CAPN6: variants seen among roughly 807,000 people sequenced by gnomAD.
The protein encoded by CAPN6 is calpain-6.
CAPN6 carries 16 observed loss-of-function variants against 46.0 expected under a neutral mutation model. The ratio of observed to expected loss-of-function variants is 0.35; its 90% CI spans 0.24 to 0.53. The LOEUF (loss-of-function observed/expected upper bound fraction) is 0.53, where lower values mean the gene tolerates loss of function less well. CAPN6 is among the 20% of genes least tolerant of loss of function. The pLI is 0.94. For missense variants in CAPN6, 461 were observed against 498.0 expected, an observed-to-expected ratio of 0.93 and a Z score of 0.71; for synonymous variants, 206 against 172.8, an observed-to-expected ratio of 1.19 and a Z score of -1.51.
At chrX:111,267,524 C>G (rs1037225292) in intron 1 of CAPN6, among the ~76,000 whole-genome samples, 20 of 111,550 alleles carry the variant, frequency 1.8e-4, no homozygotes, top group South Asian at 1.5e-3. Flanking sequence ...TTTTTTTCTA[C>G]TCACTGGACT....
intron 8 of CAPN6, among the ~76,000 whole-genome samples, chrX:111,250,660 A>G (rs2094978457): frequency 9.0e-6 from 1 of 111,479 alleles, no homozygotes; most frequent in East Asian, 2.8e-4. Context: ...ACCAGACAAT[A>G]TGGCCAGAAG....
rs2094975824 is a variant in CAPN6 at position 111,247,893 on chromosome X, C to T, written c.1584G>A (p.Leu528=). ...TACTTTCATTGGCATACTTCTTCTCCAGGTCCTCAGCACTGTGAACAGTGA... is the reference window on the plus strand; with the variant it reads ...TACTTTCATTGGCATACTTCTTCTCTAGGTCCTCAGCACTGTGAACAGTGA... ...TQITVHSAED[L]EKKYANETVN... Residue 528 remains leucine, a synonymous_variant, in exon 11 of 13, where the codon CTG becomes CTA. Coordinates refer to ENST00000324068, the MANE Select transcript of CAPN6 (RefSeq NM_014289.4). 2 of 1,210,656 alleles carry T rather than the reference C, an allele frequency of 1.7e-6. No individual in the cohort carries two copies. The highest frequency in any genetic ancestry group is 2.3e-4 in the Middle Eastern group (1 of 4,355).
intron 2 of CAPN6, among the ~76,000 whole-genome samples, chrX:111,258,268 C>T (rs779572741): frequency 8.9e-6 from 1 of 111,928 alleles, no homozygotes; most frequent in South Asian, 3.8e-4. Context: ...TGAAAAGCTG[C>T]CCAGAAAACC....
At chrX:111,248,866 T>A in intron 9 of CAPN6, 69 bp downstream of exon 9, 2 of 1,195,790 alleles carry the variant, frequency 1.7e-6, no homozygotes, top group African/African-American at 3.5e-5. Context: ...ATTCTTCCCC[T>A]ACCATTAAAT....
intron 1 of CAPN6, among the ~76,000 whole-genome samples, chrX:111,265,603 T>C (rs1423722306): frequency 8.9e-6 from 1 of 112,131 alleles, no homozygotes; most frequent in Non-Finnish European, 1.9e-5. Context: ...CCAGACTCCT[T>C]TCTGGAGGCT....
intron 1 of CAPN6, among the ~76,000 whole-genome samples, chrX:111,268,696 C>T (rs942830272): frequency 1.8e-5 from 2 of 112,661 alleles, no homozygotes; most frequent in Non-Finnish European, 3.8e-5. Context: ...CCCTTTTGGC[C>T]GAATAAGCCC....
chrX:111,251,158 G>A (rs1322752588), intron 7 of CAPN6, 51 bp downstream of exon 7: 4 of 1,197,228 alleles, frequency 3.3e-6, no homozygotes, highest in Middle Eastern at 2.3e-4. Flanking sequence ...ACTTAACACT[G>A]TAGTTCCATG....
intron 2 of CAPN6, among the ~76,000 whole-genome samples, chrX:111,256,850 C>G (rs943418987): frequency 2.8e-5 from 3 of 106,044 alleles, no homozygotes; most frequent in Middle Eastern, 4.4e-3. Context: ...TTGGGACCCC[C>G]CCCCCCACAA....
At chrX:111,251,435 C>T (rs2094979385) in intron 6 of CAPN6, 114 bp downstream of exon 6, 1 of 896,769 alleles carries the variant, frequency 1.1e-6, no homozygotes, top group East Asian at 3.1e-5. Flanking sequence ...CCGTGCCTGA[C>T]AAAAGCCCAC....
At chrX:111,262,752 C>T (rs752769317) in intron 2 of CAPN6, among the ~76,000 whole-genome samples, 3 of 111,888 alleles carry the variant, frequency 2.7e-5, no homozygotes, top group Non-Finnish European at 3.8e-5. Context: ...ACACTGAGCT[C>T]CTGCTCATGT....
In CAPN6 at chrX:111,270,389, CCTG is replaced by C. The variant is rs750982720; in HGVS notation, c.-37_-35del. Reference sequence around the variant, plus strand: ...TACTCACCTGAGTTATCCCAGGAGCCCTGCTGCTGCTGCTGCTGCTGCTGCTGC... The same window carrying C: ...TACTCACCTGAGTTATCCCAGGAGCCCTGCTGCTGCTGCTGCTGCTGCTGC... On this transcript the variant is annotated 5_prime_UTR_variant, in exon 1 of 13. Transcript: ENST00000324068. 13,018 of 257,910 alleles carry C rather than the reference CCTG, an allele frequency of 0.05. 195 individuals are homozygous for C. The highest frequency in any genetic ancestry group is 0.11 in the African/African-American group (4,159 of 38,778). The allele number at this position is 257,910 out of a possible 1,213,427, so 21.3% of individuals were successfully genotyped here.
At chrX:111,267,422 C>A (rs17882500) in intron 1 of CAPN6, among the ~76,000 whole-genome samples, 58 of 111,235 alleles carry the variant, frequency 5.2e-4, no homozygotes, top group African/African-American at 1.8e-3. Context: ...AGGATAGGAG[C>A]GGGCCCAGAG....
rs1569480707 is a variant in CAPN6 at position 111,248,631 on chromosome X, G to A, written c.1422C>T (p.Phe474=). Residue 474 remains phenylalanine (F), a synonymous_variant, in exon 10 of 13, where the codon TTC becomes TTT. Transcript: ENST00000324068. ...KGNYVLVPTM[F]QHGRTSEFLL... The stretch of plus-strand genomic sequence containing the variant: ...GAAACTCGCTGGTGCGACCATGCTG[G>A]AACATGGTTGGGACAAGCACATAGT... The A allele has an allele frequency of 1.7e-6, 2 of 1,208,802 alleles. No homozygotes were observed. The highest frequency in any genetic ancestry group is 2.2e-5 in the Admixed American group (1 of 46,034).
Position 111,251,237 on chromosome X carries a change from G to A in CAPN6, c.943C>T (p.Leu315Phe), listed in dbSNP as rs750746026. ...LTASDRKNLG[L>F]VMSDDGEFWM... The stretch of plus-strand genomic sequence containing the variant: ...AACTCTCCATCATCAGACATAACAA[G>A]CCCCAGGTTCTTGCGATCTGATGCA... The change falls in exon 7 of 13, where the codon CTT (leucine) becomes TTT (phenylalanine). Residue 315 changes from leucine to phenylalanine, a missense_variant. Transcript: ENST00000324068. 1.7e-6 allele frequency: 2 copies of A among 1,208,795 alleles called. No homozygotes were observed. The highest frequency in any genetic ancestry group is 5.9e-5 in the East Asian group (2 of 33,782).
Position 111,252,313 on chromosome X carries a change from GGAACAGCAGATCAGACCACCTTTGGT to G in CAPN6, c.667_692del (p.Thr223HisfsTer2). ...GTTTTTCATGAGTACAAACCTCAAT[GGAACAGCAGATCAGACCACCTTTGGT>G]AAATGTTTTGTACAGTTCTCCGAAT... On this transcript the variant is annotated frameshift_variant, in exon 5 of 13. Coordinates refer to ENST00000324068, the MANE Select transcript of CAPN6 (RefSeq NM_014289.4). LOFTEE classifies it high-confidence loss of function. 8.3e-7 allele frequency: 1 copy of G among 1,199,494 alleles called. No homozygotes were observed. The highest frequency in any genetic ancestry group is 1.1e-6 in the Non-Finnish European group (1 of 888,448).
intron 2 of CAPN6, among the ~76,000 whole-genome samples, chrX:111,263,559 A>G (rs1345026844): frequency 9.0e-6 from 1 of 111,721 alleles, no homozygotes; most frequent in African/African-American, 3.3e-5. Flanking sequence ...TTCACAATGT[A>G]TATGTATATC....
At position 111,247,984 on chromosome X, in the gene CAPN6, G is replaced by A. The variant is rs144507804; in HGVS notation, c.1493C>T (p.Thr498Ile). Residue 498 changes from threonine (T) to isoleucine (I), a missense_variant, in exon 11 of 13, where the codon ACT becomes ATT. By Grantham distance (89) the Thr-to-Ile change is moderately conservative. Coordinates refer to ENST00000324068, the MANE Select transcript of CAPN6 (RefSeq NM_014289.4). ...GCAGGACATTTTGGGCATGTCCAGA[G>A]TCAGTTCCCTAGAACATCAAAAATA... is the stretch of plus-strand genomic sequence containing the variant. ...SEVPVQLRELTLDMPKMSCWN... is the reference protein window; with the variant it reads ...SEVPVQLRELILDMPKMSCWN... 3,360 of 1,207,479 alleles carry A rather than the reference G, an allele frequency of 2.8e-3. 6 individuals are homozygous for A. The highest frequency in any genetic ancestry group is 3.4e-3 in the Non-Finnish European group (3,008 of 893,285).
intron 2 of CAPN6, among the ~76,000 whole-genome samples, chrX:111,257,372 G>A (rs961828687): frequency 2.7e-5 from 3 of 111,991 alleles, no homozygotes; most frequent in South Asian, 3.7e-4. Flanking sequence ...ACTAATAGGC[G>A]TTAGTCTGCT....
chrX:111,256,739 T>C (rs2094984076), intron 2 of CAPN6, among the ~76,000 whole-genome samples: 1 of 110,775 alleles, frequency 9.0e-6, no homozygotes, highest in South Asian at 3.9e-4. Flanking sequence ...TGACCCAAGA[T>C]GGATATGATT....
Sources: gnomAD v4.1 joint callset for allele counts (sites outside exome capture counted in the v4.1 genomes callset) on GRCh38, gnomAD v4.1.1 for gene constraint, MANE v1.5 for transcripts, NCBI Gene and HGNC (gene_info 2026-07-23, HGNC 2026-07-21) for gene names.